Variants in POLR3H observed in about 807,000 individuals in gnomAD.
POLR3H encodes DNA-directed RNA polymerase III subunit RPC8.
POLR3H carries 17 observed loss-of-function variants against 25.5 expected under a neutral mutation model. The observed-to-expected ratio is 0.67, with a 90% CI of 0.46 to 1.00. POLR3H has a LOEUF of 1.00. POLR3H is among the 50% of genes least tolerant of loss of function. The pLI, the probability that POLR3H is intolerant of heterozygous loss-of-function variation, is 0.00. For missense variants in POLR3H, 274 were observed against 265.0 expected, an observed-to-expected ratio of 1.03 and a Z score of -0.24; for synonymous variants, 129 against 103.0, an observed-to-expected ratio of 1.25 and a Z score of -1.53.
intron 5 of POLR3H, chr22:41,529,591 C>T (rs561229407): frequency 1.4e-6 from 1 of 701,566 alleles, no homozygotes; most frequent in African/African-American, 1.7e-5. Context: ...TAGGCCTGCC[C>T]TCCAGGGCCA....
intron 2 of POLR3H, among the ~76,000 whole-genome samples, chr22:41,534,606 A>G (rs2145553787): frequency 6.6e-6 from 1 of 152,144 alleles, no homozygotes; most frequent in African/African-American, 2.4e-5. Context: ...ACGCTGTGGA[A>G]TGGCCCCGCG....
rs1488934477 is a variant in POLR3H at position 41,532,545 on chromosome 22, C to T, written c.295+114G>A. On this transcript the variant is annotated intron_variant, in intron 3 of 5. Transcript: ENST00000355209. Reference sequence around the variant, plus strand: ...GGGTGGGCAAGCTTCTCTGACACCACGGGGAAGGTTCGGCCTCGACACCTG... The same window carrying T: ...GGGTGGGCAAGCTTCTCTGACACCATGGGGAAGGTTCGGCCTCGACACCTG... The T allele has an allele frequency of 2.4e-5, 38 of 1,574,120 alleles. 1 individual carries two copies. The highest frequency in any genetic ancestry group is 3.0e-5 in the Non-Finnish European group (35 of 1,157,694).
intron 5 of POLR3H, 102 bp downstream of exon 5, chr22:41,530,582 CCTG>C: frequency 9.2e-7 from 1 of 1,092,004 alleles, no homozygotes; most frequent in Non-Finnish European, 1.3e-6. Context: ...GGATCCCTGA[CCTG>C]CTGGGGGAGA....
Position 41,527,923 on chromosome 22 carries a change from C to A in POLR3H, c.*1360G>T, listed in dbSNP as rs759138523. The A allele has an allele frequency of 6.2e-7, 1 of 1,614,200 alleles. No homozygotes were observed. Among genetic ancestry groups the A allele is most frequent in the South Asian group, 1.1e-5 (1 of 91,084 alleles). On this transcript the variant is annotated 3_prime_UTR_variant, in exon 6 of 6. Transcript: ENST00000355209. ...CAGAGACCAACCTGAAGAAACAGGGCCTGCTGCCTCTGACCTTCGCTGACC... is the reference window on the plus strand; with the variant it reads ...CAGAGACCAACCTGAAGAAACAGGGACTGCTGCCTCTGACCTTCGCTGACC...
At chr22:41,535,581 C>A (rs1316971862) in intron 2 of POLR3H, among the ~76,000 whole-genome samples, 2 of 152,356 alleles carry the variant, frequency 1.3e-5, no homozygotes, top group Non-Finnish European at 2.9e-5. Context: ...AATCCCAGAA[C>A]TTTGGGAGGC....
At chr22:41,543,204 A>T (rs2066958524) in intron 1 of POLR3H, among the ~76,000 whole-genome samples, 1 of 152,178 alleles carries the variant, frequency 6.6e-6, no homozygotes, top group Non-Finnish European at 1.5e-5. Flanking sequence ...CGGCAGTGGG[A>T]AGACCTCTCA....
chr22:41,534,951 G>T (rs2066816223), intron 2 of POLR3H, among the ~76,000 whole-genome samples: 1 of 151,910 alleles, frequency 6.6e-6, no homozygotes, highest in Non-Finnish European at 1.5e-5. Context: ...TAGCTGATGA[G>T]GGTGTTGTTC....
At chr22:41,530,576 C>T in intron 5 of POLR3H, 111 bp downstream of exon 5, 1 of 1,022,986 alleles carries the variant, frequency 9.8e-7, no homozygotes, top group Non-Finnish European at 1.4e-6. Context: ...CAAACAGGAT[C>T]CCTGACCTGC....
chr22:41,526,907 T>C lies in POLR3H; in HGVS notation c.*2376A>G. 3.0e-6 allele frequency: 1 copy of C among 334,668 alleles called. No individual in the cohort carries two copies. The highest frequency in any genetic ancestry group is 5.5e-6 in the Non-Finnish European group (1 of 180,452). The allele number at this position is 334,668 out of a possible 1,614,324, so 20.7% of individuals were successfully genotyped here. A position where few individuals can be genotyped will look rare whatever the true frequency, so the allele number is the denominator to read the frequency against. ...AAGGACTCTGGCACCCCCTGGTGGC[T>C]GGGTGGGGCAGAGGGTGCTCCCAGG... On this transcript the variant is annotated 3_prime_UTR_variant, in exon 6 of 6. Coordinates refer to ENST00000355209, the MANE Select transcript of POLR3H (RefSeq NM_001018050.4).
At position 41,527,446 on chromosome 22, in the gene POLR3H, A is replaced by G; in HGVS notation, c.*1837T>C. The G allele has an allele frequency of 6.3e-7, 1 of 1,590,890 alleles. No homozygotes were observed. ...GTGAGCTGGAGTCTGTACCCAGGCC[A>G]TCCTCATCCCATCCCTAGTGATCAA... is the stretch of plus-strand genomic sequence containing the variant. On this transcript the variant is annotated 3_prime_UTR_variant, in exon 6 of 6. Coordinates refer to ENST00000355209, the MANE Select transcript of POLR3H (RefSeq NM_001018050.4).
chr22:41,535,743 G>A (rs1464113344), intron 2 of POLR3H, among the ~76,000 whole-genome samples: 1 of 152,108 alleles, frequency 6.6e-6, no homozygotes, highest in Non-Finnish European at 1.5e-5. Flanking sequence ...GGAGGCCAAG[G>A]CAGGATGATC....
In POLR3H at chr22:41,526,593, G is replaced by A. The variant is rs2066602154; in HGVS notation, c.*2690C>T. On this transcript the variant is annotated 3_prime_UTR_variant, in exon 6 of 6. Transcript: ENST00000355209. ...AAGGGGACTGCTGTGGAAGGGAGGA[G>A]AGGCCTGCAGCCCCTCCCTGTGGCT... 2 of 917,824 alleles carry A rather than the reference G, an allele frequency of 2.2e-6. No individual in the cohort carries two copies. Among genetic ancestry groups the A allele is most frequent in the Non-Finnish European group, 3.1e-6 (2 of 636,736 alleles). 56.9% of individuals were successfully genotyped at this position (917,824 alleles called of 1,614,324 possible).
intron 1 of POLR3H, among the ~76,000 whole-genome samples, chr22:41,543,398 C>CG (rs1054369141): frequency 2.0e-5 from 3 of 151,962 alleles, no homozygotes; most frequent in Admixed American, 6.6e-5. Flanking sequence ...GAGGCCGAGG[C>CG]GGGGGGATCA....
chr22:41,527,138 GGCA>G lies in POLR3H; in HGVS notation c.*2142_*2144del. 3 of 1,166,640 alleles carry G rather than the reference GGCA, an allele frequency of 2.6e-6. No individual in the cohort carries two copies. In the East Asian group the frequency reaches 7.4e-5, roughly 29 times the overall value. 72.3% of individuals were successfully genotyped at this position (1,166,640 alleles called of 1,614,324 possible). Reference sequence around the variant, plus strand: ...TTCACGCAGGCTTCACTTGCCCTTAGGCAGCAGGCGAGGAAGGGCCCCTCCAGC... The same window carrying G: ...TTCACGCAGGCTTCACTTGCCCTTAGGCAGGCGAGGAAGGGCCCCTCCAGC... On this transcript the variant is annotated 3_prime_UTR_variant, in exon 6 of 6. Transcript: ENST00000355209.
chr22:41,529,824 T>C (rs2066688615), intron 5 of POLR3H: 8 of 402,646 alleles, frequency 2.0e-5, no homozygotes, highest in South Asian at 7.2e-5. Flanking sequence ...GGCACGATCT[T>C]GGCTCACTGC....
chr22:41,533,475 TCA>T (rs1239738801), intron 2 of POLR3H: 6 of 1,173,524 alleles, frequency 5.1e-6, no homozygotes, highest in Non-Finnish European at 6.5e-6. Context: ...GGTGACCCAC[TCA>T]CAGCCACATA....
chr22:41,534,615 C>T (rs763256473), intron 2 of POLR3H, among the ~76,000 whole-genome samples: 1 of 151,862 alleles, frequency 6.6e-6, no homozygotes, highest in Non-Finnish European at 1.5e-5. Context: ...AATGGCCCCG[C>T]GCACGGTGGC....
chr22:41,527,191 C>A lies in POLR3H; in HGVS notation c.*2092G>T. 6.3e-7 allele frequency: 1 copy of A among 1,584,376 alleles called. No homozygotes were observed. The highest frequency in any genetic ancestry group is 8.6e-7 in the Non-Finnish European group (1 of 1,160,022). On this transcript the variant is annotated 3_prime_UTR_variant, in exon 6 of 6. Coordinates refer to ENST00000355209, the MANE Select transcript of POLR3H (RefSeq NM_001018050.4). ...CCCCTTTACCGGGAGCCTCAGGATG[C>A]CCAGGCGCCAGGTGGGTGAGGCCAG...
At position 41,528,425 on chromosome 22, in the gene POLR3H, G is replaced by A; in HGVS notation, c.*858C>T. On this transcript the variant is annotated 3_prime_UTR_variant, in exon 6 of 6. Coordinates refer to ENST00000355209, the MANE Select transcript of POLR3H (RefSeq NM_001018050.4). ...CCTGTCTCCCTGACCCCCCTGCGGGGCCAAGGGCACACAGTACCCACCACT... is the reference window on the plus strand; with the variant it reads ...CCTGTCTCCCTGACCCCCCTGCGGGACCAAGGGCACACAGTACCCACCACT... The A allele has an allele frequency of 5.0e-6, 8 of 1,594,346 alleles. No individual in the cohort carries two copies. Among genetic ancestry groups the A allele is most frequent in the South Asian group, 2.3e-5 (2 of 88,610 alleles).
Sources: gnomAD v4.1 joint callset for allele counts (sites outside exome capture counted in the v4.1 genomes callset) on GRCh38, gnomAD v4.1.1 for gene constraint, MANE v1.5 for transcripts, NCBI Gene and HGNC (gene_info 2026-07-23, HGNC 2026-07-21) for gene names.